EPHA10: variants seen among roughly 807,000 people sequenced by gnomAD.
EPHA10 encodes EPH receptor A10.
In EPHA10, 120 loss-of-function variants were observed where a neutral mutation model predicts 109.7. The ratio of observed to expected loss-of-function variants is 1.09; its 90% CI spans 0.94 to 1.27. The LOEUF (loss-of-function observed/expected upper bound fraction) is 1.27, where lower values mean the gene tolerates loss of function less well. Among genes scored for constraint, EPHA10 ranks in the 50% most tolerant of loss-of-function variants. The pLI is 0.00. For synonymous variants in EPHA10, 640 were observed against 618.9 expected (o/e 1.03, Z -0.51); for missense variants, 1,396 against 1,411.1 (o/e 0.99, Z 0.17).
At position 37,761,861 on chromosome 1, in the gene EPHA10, C is replaced by T; in HGVS notation, c.394G>A (p.Glu132Lys). ...CKETFNVYYL[E>K]TEADLGRGRP... ...CCACGGCCCAGGTCGGCCTCAGTTT[C>T]CAGGTAGTAGACGTTGAAGGTCTCC... The change falls in exon 3 of 17, where the codon GAA becomes AAA. Residue 132 changes from glutamate (E) to lysine (K), a missense_variant. By Grantham distance (56) the Glu-to-Lys change is moderately conservative (BLOSUM62 1). Coordinates refer to ENST00000373048, the MANE Select transcript of EPHA10 (RefSeq NM_001099439.2). 1 of 1,612,736 alleles carries T rather than the reference C, an allele frequency of 6.2e-7. No homozygotes were observed. Among genetic ancestry groups the T allele is most frequent in the South Asian group, 1.1e-5 (1 of 90,894 alleles).
chr1:37,753,987 G>A (rs1011054652), intron 4 of EPHA10, among the ~76,000 whole-genome samples: 1 of 152,072 alleles, frequency 6.6e-6, no homozygotes, highest in South Asian at 2.1e-4. Flanking sequence ...CCCATCCTCC[G>A]TCTGGACTCT....
intron 7 of EPHA10, among the ~76,000 whole-genome samples, chr1:37,729,743 A>G (rs773737437): frequency 1.3e-5 from 2 of 151,980 alleles, no homozygotes; most frequent in Non-Finnish European, 1.5e-5. Flanking sequence ...CATGGTGGCA[A>G]GCGCCTGTGG....
chr1:37,764,669 C>T lies in EPHA10; in HGVS notation c.106+292G>A, dbSNP rs1646460043. ...CCCCCGCACCTCCCACCTCCAATCACTCAGCTTGTCCGTCTCACCGGCCGC... is the reference window on the plus strand; with the variant it reads ...CCCCCGCACCTCCCACCTCCAATCATTCAGCTTGTCCGTCTCACCGGCCGC... On this transcript the variant is annotated intron_variant, in intron 1 of 16. Coordinates refer to ENST00000373048, the MANE Select transcript of EPHA10 (RefSeq NM_001099439.2). The surrounding 1 kb of genome is among the most constrained non-coding windows in gnomAD (Gnocchi z 5.8). 6.6e-6 allele frequency among the ~76,000 whole-genome samples: 1 copy of T among 152,128 alleles called. No homozygotes were observed. The highest frequency in any genetic ancestry group is 1.5e-5 in the Non-Finnish European group (1 of 68,020).
At chr1:37,726,056 C>T (rs1207405968) in intron 8 of EPHA10, among the ~76,000 whole-genome samples, 1 of 152,216 alleles carries the variant, frequency 6.6e-6, no homozygotes, top group Non-Finnish European at 1.5e-5. Flanking sequence ...GTGCACCTGT[C>T]CCTGGGGCGC....
At position 37,755,125 on chromosome 1, in the gene EPHA10, C is replaced by T. The variant is rs1646382331; in HGVS notation, c.851-755G>A. 3.9e-5 allele frequency among the ~76,000 whole-genome samples: 6 copies of T among 152,124 alleles called. No individual in the cohort carries two copies. In the South Asian group the frequency reaches 1.2e-3, roughly 32 times the overall value. On this transcript the variant is annotated intron_variant, in intron 3 of 16. Transcript: ENST00000373048. Reference sequence around the variant, plus strand: ...CTTTATCCTCTTTAAAATGAGGGAGCTAAGGCTAGGAGAGGTGAAGTTGCC... The same window carrying T: ...CTTTATCCTCTTTAAAATGAGGGAGTTAAGGCTAGGAGAGGTGAAGTTGCC...
At chr1:37,741,557 C>T (rs11264098) in intron 5 of EPHA10, among the ~76,000 whole-genome samples, 1,915 of 152,206 alleles carry the variant, frequency 0.013, 36 homozygotes, top group African/African-American at 0.043. Flanking sequence ...TCACCATAAA[C>T]TAGTCTTGAC....
At chr1:37,752,117 C>T (rs1405114245) in intron 5 of EPHA10, among the ~76,000 whole-genome samples, 5 of 152,140 alleles carry the variant, frequency 3.3e-5, no homozygotes, top group Admixed American at 2.6e-4. Context: ...CCATACCACT[C>T]GCTTATCTTT....
Position 37,718,093 on chromosome 1 carries a change from C to T in EPHA10, c.*279G>A. 6.6e-6 allele frequency: 3 copies of T among 453,170 alleles called. No homozygotes were observed. Among genetic ancestry groups the T allele is most frequent in the Non-Finnish European group, 1.2e-5 (3 of 256,580 alleles). The allele number at this position is 453,170 out of a possible 1,614,324, so 28.1% of individuals were successfully genotyped here. A position where few individuals can be genotyped will look rare whatever the true frequency, so the allele number is the denominator to read the frequency against. ...CTCCCATCCCTGCCCCAGCTTTTCT[C>T]TGAGACCCCGAATTTCCTCCTGCTG... On this transcript the variant is annotated 3_prime_UTR_variant, in exon 17 of 17. Coordinates refer to ENST00000373048, the MANE Select transcript of EPHA10 (RefSeq NM_001099439.2).
At chr1:37,748,656 AG>A (rs1275456181) in intron 5 of EPHA10, among the ~76,000 whole-genome samples, 1 of 152,172 alleles carries the variant, frequency 6.6e-6, no homozygotes, top group Non-Finnish European at 1.5e-5. Flanking sequence ...TAATATATCT[AG>A]TAGGGTATAA....
At chr1:37,728,803 G>A (rs1174878074) in intron 7 of EPHA10, among the ~76,000 whole-genome samples, 3 of 152,122 alleles carry the variant, frequency 2.0e-5, no homozygotes, top group Admixed American at 6.5e-5. Flanking sequence ...CAGAGCCCAG[G>A]GTTCCAGAGG....
Position 37,718,212 on chromosome 1 carries a change from C to CA in EPHA10, c.*159dup. ...GACTCGTGAAAATGGGAGGGGCAGG[C>CA]AGTGAAAGCGGGGAAGCTGTGGCCC... On this transcript the variant is annotated 3_prime_UTR_variant, in exon 17 of 17. Coordinates refer to ENST00000373048, the MANE Select transcript of EPHA10 (RefSeq NM_001099439.2). 1.6e-6 allele frequency: 1 copy of CA among 640,012 alleles called. No homozygotes were observed. The highest frequency in any genetic ancestry group is 2.7e-6 in the Non-Finnish European group (1 of 363,660). The allele number at this position is 640,012 out of a possible 1,614,324, so 39.6% of individuals were successfully genotyped here.
At position 37,717,602 on chromosome 1, in the gene EPHA10, C is replaced by T. The variant is rs1056665454; in HGVS notation, c.*770G>A. Reference sequence around the variant, plus strand: ...GCCCTTTATGCTTTTCCCAGATGTCCTGGCCACTAAGTTCATAAAAGGAAT... The same window carrying T: ...GCCCTTTATGCTTTTCCCAGATGTCTTGGCCACTAAGTTCATAAAAGGAAT... On this transcript the variant is annotated 3_prime_UTR_variant, in exon 17 of 17. Transcript: ENST00000373048. 3.0e-5 allele frequency: 7 copies of T among 231,652 alleles called. No homozygotes were observed. The highest frequency in any genetic ancestry group is 4.4e-5 in the African/African-American group (2 of 45,230). The allele number at this position is 231,652 out of a possible 1,614,324, so 14.3% of individuals were successfully genotyped here. A position where few individuals can be genotyped will look rare whatever the true frequency, so the allele number is the denominator to read the frequency against.
At chr1:37,751,505 G>A (rs1646325508) in intron 5 of EPHA10, among the ~76,000 whole-genome samples, 1 of 150,214 alleles carries the variant, frequency 6.7e-6, no homozygotes, top group Admixed American at 6.6e-5. Context: ...GGAGGCAGAG[G>A]TTGCCATGAA....
chr1:37,762,510 C>A (rs1646442380), intron 2 of EPHA10, among the ~76,000 whole-genome samples: 1 of 152,164 alleles, frequency 6.6e-6, no homozygotes, highest in Non-Finnish European at 1.5e-5. Flanking sequence ...TATGTGCAAG[C>A]CACTGTCCTG....
In EPHA10 at chr1:37,717,766, G is replaced by A. The variant is rs979500725; in HGVS notation, c.*606C>T. On this transcript the variant is annotated 3_prime_UTR_variant, in exon 17 of 17. Transcript: ENST00000373048. ...ACCAGATCCTGAGTCTAGGGCTCTT[G>A]GGTATCAGCCCCTGAGCTCAGCACC... is the stretch of plus-strand genomic sequence containing the variant. 3.9e-5 allele frequency: 9 copies of A among 231,618 alleles called. No individual in the cohort carries two copies. The highest frequency in any genetic ancestry group is 6.8e-5 in the Non-Finnish European group (8 of 117,234). The allele number at this position is 231,618 out of a possible 1,614,324, so 14.3% of individuals were successfully genotyped here. A position where few individuals can be genotyped will look rare whatever the true frequency, so the allele number is the denominator to read the frequency against.
At position 37,719,735 on chromosome 1, in the gene EPHA10, C is replaced by CAG. The variant is rs1645756900; in HGVS notation, c.2563-129_2563-128insCT. ...ACATGCGCACACACAGACACAGACACACACACACACACCCAAGGAAGCCTG... is the reference window on the plus strand; with the variant it reads ...ACATGCGCACACACAGACACAGACACAGACACACACACACCCAAGGAAGCCTG... On this transcript the variant is annotated intron_variant, in intron 14 of 16. Coordinates refer to ENST00000373048, the MANE Select transcript of EPHA10 (RefSeq NM_001099439.2). 65 of 1,379,590 alleles carry CAG rather than the reference C, an allele frequency of 4.7e-5. No individual in the cohort carries two copies. The Middle Eastern group carries it at 9.6e-4, about 20-fold the overall frequency. The allele number at this position is 1,379,590 out of a possible 1,614,324, so 85.5% of individuals were successfully genotyped here.
In EPHA10 at chr1:37,731,411, C is replaced by A; in HGVS notation, c.1663G>T (p.Ala555Ser). ...CTGTCCACTCACACACACTACTTAC[C>A]CTCCCCCAGGGTCTGTACTTCAATG... ...PSIEVQTLGE[A>S]ASGSRDQSPA... The change falls in exon 7 of 17, where the codon GCT (alanine) becomes TCT (serine). Residue 555 changes from alanine to serine, a missense_variant and splice_region_variant. Coordinates refer to ENST00000373048, the MANE Select transcript of EPHA10 (RefSeq NM_001099439.2). The A allele has an allele frequency of 6.2e-7, 1 of 1,600,010 alleles. No homozygotes were observed. Among genetic ancestry groups the A allele is most frequent in the Non-Finnish European group, 8.5e-7 (1 of 1,172,042 alleles).
chr1:37,719,094 T>C (rs1569615140), intron 15 of EPHA10: 5 of 593,478 alleles, frequency 8.4e-6, no homozygotes, highest in Non-Finnish European at 1.5e-5. Flanking sequence ...TGACTCATAT[T>C]GGGAACAACG....
Position 37,718,293 on chromosome 1 carries a change from C to A in EPHA10, c.*79G>T. ...AGCGCTCCCTCCCACACTGCTGGAG[C>A]GCAGCTTGCCACGGTCCTTGGGCAG... On this transcript the variant is annotated 3_prime_UTR_variant, in exon 17 of 17. Transcript: ENST00000373048. The A allele has an allele frequency of 3.2e-6, 4 of 1,251,186 alleles. No individual in the cohort carries two copies. Among genetic ancestry groups the A allele is most frequent in the South Asian group, 1.4e-5 (1 of 71,628 alleles). The allele number at this position is 1,251,186 out of a possible 1,614,324, so 77.5% of individuals were successfully genotyped here. A position where few individuals can be genotyped will look rare whatever the true frequency, so the allele number is the denominator to read the frequency against.
Sources: gnomAD v4.1 joint callset for allele counts (sites outside exome capture counted in the v4.1 genomes callset) on GRCh38, gnomAD v4.1.1 for gene constraint, Gnocchi (gnomAD v3.1) non-coding constraint, MANE v1.5 for transcripts, NCBI Gene and HGNC (gene_info 2026-07-23, HGNC 2026-07-21) for gene names.